Variants in EMP2 observed in about 807,000 individuals in gnomAD.
EMP2 encodes the protein epithelial membrane protein 2.
Under a neutral mutation model 13.7 loss-of-function variants are expected in EMP2, and 19 were observed. The ratio of observed to expected loss-of-function variants is 1.38; its 90% CI spans 0.97 to 2.03. EMP2 has a LOEUF of 2.03. Ranked by LOEUF, EMP2 falls within the 30% of genes most tolerant of loss-of-function variation. EMP2 has a pLI of 0.00. For synonymous variants in EMP2, 97 were observed against 84.7 expected (o/e 1.15, Z -0.80); for missense variants, 253 against 220.7 (o/e 1.15, Z -0.93).
intron 1 of EMP2, 94 bp from the exon 2 acceptor site, chr16:10,547,771 C>G: frequency 2.8e-6 from 2 of 705,306 alleles, no homozygotes; most frequent in Non-Finnish European, 4.7e-6. Context: ...CGTGGTGGCT[C>G]ATGCCTATAA....
intron 1 of EMP2, among the ~76,000 whole-genome samples, chr16:10,573,937 T>C (rs1475797189): frequency 7.2e-6 from 1 of 138,368 alleles, no homozygotes; most frequent in East Asian, 2.0e-4. Context: ...AACCTTTTTT[T>C]TTTTTTTTTT....
intron 1 of EMP2, among the ~76,000 whole-genome samples, chr16:10,560,340 G>A (rs1405514685): frequency 1.3e-5 from 2 of 152,150 alleles, no homozygotes; most frequent in South Asian, 2.1e-4. Context: ...TCCCACCGCC[G>A]CACGCAGGGT....
chr16:10,552,672 G>A (rs947899292), intron 1 of EMP2, among the ~76,000 whole-genome samples: 1 of 152,138 alleles, frequency 6.6e-6, no homozygotes, highest in Admixed American at 6.5e-5. Flanking sequence ...ACCACGTATA[G>A]CAGTGATATA....
At chr16:10,553,382 C>A (rs1031785858) in intron 1 of EMP2, among the ~76,000 whole-genome samples, 2 of 152,220 alleles carry the variant, frequency 1.3e-5, no homozygotes, top group Non-Finnish European at 2.9e-5. Flanking sequence ...CCTCGTCCCG[C>A]CCCTCACTCA....
intron 1 of EMP2, among the ~76,000 whole-genome samples, chr16:10,556,879 G>C (rs2050832665): frequency 6.6e-6 from 1 of 151,316 alleles, no homozygotes; most frequent in East Asian, 1.9e-4. Context: ...TTAGGGCCTG[G>C]TGAAAACCAT....
chr16:10,542,796 A>C (rs1364514533), intron 3 of EMP2, among the ~76,000 whole-genome samples: 1 of 152,224 alleles, frequency 6.6e-6, no homozygotes, highest in Non-Finnish European at 1.5e-5. Flanking sequence ...TGAAATTGAC[A>C]TGCCCAATGC....
chr16:10,538,664 G>A (rs916766044), intron 3 of EMP2, among the ~76,000 whole-genome samples: 8 of 152,146 alleles, frequency 5.3e-5, no homozygotes, highest in Non-Finnish European at 1.2e-4. Flanking sequence ...GTACAGAGAA[G>A]TTTCAGTGGA....
At chr16:10,543,771 C>G (rs2050719259) in intron 2 of EMP2, 111 bp from the exon 3 acceptor site, 1 of 1,000,452 alleles carries the variant, frequency 1.0e-6, no homozygotes, top group African/African-American at 1.6e-5. Flanking sequence ...AACTGCAACA[C>G]ATGTGAGAAT....
At chr16:10,564,693 C>T (rs1011660989) in intron 1 of EMP2, among the ~76,000 whole-genome samples, 8 of 151,922 alleles carry the variant, frequency 5.3e-5, no homozygotes, top group African/African-American at 1.9e-4. Flanking sequence ...CTCCTCCCAT[C>T]CACCACCACC....
intron 1 of EMP2, among the ~76,000 whole-genome samples, chr16:10,552,068 C>T (rs895679199): frequency 1.3e-5 from 2 of 151,632 alleles, no homozygotes; most frequent in Non-Finnish European, 2.9e-5. Flanking sequence ...TTTAGGCCTG[C>T]GTCATTCTTA....
intron 1 of EMP2, among the ~76,000 whole-genome samples, chr16:10,574,439 C>A (rs1308240049): frequency 6.6e-6 from 1 of 152,168 alleles, no homozygotes; most frequent in East Asian, 1.9e-4. Context: ...TGTGGCCCCC[C>A]CTCATCCCTC....
chr16:10,562,374 C>CTA (rs1190246795), intron 1 of EMP2, among the ~76,000 whole-genome samples: 108 of 142,876 alleles, frequency 7.6e-4, no homozygotes, highest in African/African-American at 2.7e-3. Context: ...CTCTCTCTCT[C>CTA]TCTCTCTATC....
rs2050662257 is a variant in EMP2, at chr16:10,537,965, C to G, written c.279G>C (p.Glu93Asp). 1.2e-6 allele frequency: 2 copies of G among 1,614,148 alleles called. No homozygotes were observed. Among genetic ancestry groups the G allele is most frequent in the East Asian group, 2.2e-5 (1 of 44,864 alleles). Residue 93 changes from glutamate to aspartate, a missense_variant, in exon 4 of 5, where the codon GAG becomes GAC. Transcript: ENST00000359543. ...GGATGATGGAGGTTAGGACAAACCTCTCTCCCTGCTTCAGGCGGAAGAGCT... is the reference window on the plus strand; with the variant it reads ...GGATGATGGAGGTTAGGACAAACCTGTCTCCCTGCTTCAGGCGGAAGAGCT... ...VLQLFRLKQG[E>D]RFVLTSIIQL...
intron 4 of EMP2, among the ~76,000 whole-genome samples, chr16:10,535,472 T>G (rs142772018): frequency 6.6e-6 from 1 of 152,108 alleles, no homozygotes; most frequent in Non-Finnish European, 1.5e-5. Flanking sequence ...CGGTGGCTCA[T>G]GCTCGGAATC....
chr16:10,540,900 C>T (rs1418603652), intron 3 of EMP2, among the ~76,000 whole-genome samples: 2 of 151,998 alleles, frequency 1.3e-5, no homozygotes, highest in Non-Finnish European at 2.9e-5. Flanking sequence ...CCAGCATGGG[C>T]AACATGGTAA....
At chr16:10,568,757 G>A (rs1010753961) in intron 1 of EMP2, among the ~76,000 whole-genome samples, 2 of 146,332 alleles carry the variant, frequency 1.4e-5, no homozygotes, top group Non-Finnish European at 3.0e-5. Flanking sequence ...AGGGAGGGGT[G>A]TGGATTCTTG....
chr16:10,567,596 T>A (rs1000536901), intron 1 of EMP2, among the ~76,000 whole-genome samples: 1 of 152,048 alleles, frequency 6.6e-6, no homozygotes, highest in Admixed American at 6.5e-5. Context: ...TAAGGCCAGG[T>A]GTGGAGGGTC....
rs2050584262 is a variant in EMP2 at position 10,529,928 on chromosome 16, T to C, written c.*2977A>G. On this transcript the variant is annotated 3_prime_UTR_variant, in exon 5 of 5. Coordinates refer to ENST00000359543, the MANE Select transcript of EMP2 (RefSeq NM_001424.6). The stretch of plus-strand genomic sequence containing the variant: ...CCTGGGCAACAAGAGCAAAACTCAG[T>C]CTCAAAAAAAAAAAAAAAAAAGAAA... 7.3e-5 allele frequency: 7 copies of C among 95,870 alleles called. No homozygotes were observed. Among genetic ancestry groups the C allele is most frequent in the Admixed American group, 7.3e-4 (7 of 9,612 alleles). The allele number at this position is 95,870 out of a possible 1,614,324, so 5.9% of individuals were successfully genotyped here. A position where few individuals can be genotyped will look rare whatever the true frequency, so the allele number is the denominator to read the frequency against.
At chr16:10,553,599 G>T (rs998685895) in intron 1 of EMP2, among the ~76,000 whole-genome samples, 1 of 151,932 alleles carries the variant, frequency 6.6e-6, no homozygotes, top group African/African-American at 2.4e-5. Flanking sequence ...GCTCCAGCAA[G>T]CTCCTTTGGC....
Sources: allele counts gnomAD v4.1 joint callset (sites outside exome capture counted in the v4.1 genomes callset), GRCh38; gene constraint gnomAD v4.1.1; transcripts MANE v1.5; gene names NCBI Gene and HGNC (gene_info 2026-07-23, HGNC 2026-07-21).